SHISA9: variants seen among roughly 807,000 people sequenced by gnomAD.
SHISA9 encodes the protein protein shisa-9.
Under a neutral mutation model 38.0 loss-of-function variants are expected in SHISA9, and 13 were observed. The ratio of observed to expected loss-of-function variants is 0.34; its 90% CI spans 0.22 to 0.54. The LOEUF is 0.54. SHISA9 is among the 20% of genes least tolerant of loss of function. The pLI, the probability that SHISA9 is intolerant of heterozygous loss-of-function variation, is 0.91. For synonymous variants in SHISA9, 275 were observed against 242.0 expected (o/e 1.14, Z -1.27); for missense variants, 538 against 575.8 (o/e 0.93, Z 0.67).
chr16:13,157,471 C>T (rs2050557381), intron 2 of SHISA9, among the ~76,000 whole-genome samples: 1 of 152,128 alleles, frequency 6.6e-6, no homozygotes, highest in Non-Finnish European at 1.5e-5. Context: ...CTTTCTGTCC[C>T]CCAGTTTCTC....
chr16:13,136,976 A>G (rs1473301849), intron 2 of SHISA9, among the ~76,000 whole-genome samples: 1 of 152,202 alleles, frequency 6.6e-6, no homozygotes, highest in Non-Finnish European at 1.5e-5. Context: ...TTCTGCAGGA[A>G]ACAGAACAAG....
the SHISA9 span, among the ~76,000 whole-genome samples, chr16:13,418,550 T>A: frequency 6.6e-6 from 1 of 152,158 alleles, no homozygotes; most frequent in Non-Finnish European, 1.5e-5. Context: ...TATGACCACA[T>A]GGACTTCCCC....
At chr16:13,241,356 A>G (rs967244408), downstream of SHISA9, among the ~76,000 whole-genome samples, 9 of 152,156 alleles carry the variant, frequency 5.9e-5, no homozygotes, top group African/African-American at 2.2e-4. Context: ...AAAATACAAA[A>G]TTAGCTGGGT....
chr16:13,402,851 G>T, the SHISA9 span, among the ~76,000 whole-genome samples: 1 of 152,178 alleles, frequency 6.6e-6, no homozygotes, highest in African/African-American at 2.4e-5. Flanking sequence ...GGGTGCAGTG[G>T]CTCACGCCAG....
the SHISA9 span, among the ~76,000 whole-genome samples, chr16:13,311,817 G>A: frequency 2.0e-5 from 3 of 152,208 alleles, no homozygotes; most frequent in Non-Finnish European, 2.9e-5. Context: ...TACCAGTTAC[G>A]ATTTTGTGCA....
the SHISA9 span, among the ~76,000 whole-genome samples, chr16:13,540,607 A>G: frequency 1.3e-5 from 2 of 152,012 alleles, no homozygotes; most frequent in Non-Finnish European, 1.5e-5. Context: ...TTTTCCTGGG[A>G]TCATCTCTAA....
intron 4 of SHISA9, among the ~76,000 whole-genome samples, chr16:13,220,480 C>T (rs2051212795): frequency 6.6e-6 from 1 of 152,190 alleles, no homozygotes; most frequent in Non-Finnish European, 1.5e-5. Flanking sequence ...ATTAATCTAA[C>T]ATAGGATCCC....
chr16:13,113,935 A>C (rs189369875), intron 2 of SHISA9, among the ~76,000 whole-genome samples: 1 of 152,064 alleles, frequency 6.6e-6, no homozygotes, highest in Non-Finnish European at 1.5e-5. Context: ...TCCATTATTC[A>C]TTTGTTCATT....
the SHISA9 span, among the ~76,000 whole-genome samples, chr16:13,561,870 A>G: frequency 1.3e-5 from 2 of 150,438 alleles, no homozygotes; most frequent in Admixed American, 1.3e-4. Flanking sequence ...TTAGCTTAAG[A>G]AAAAAAAAAG....
At chr16:13,058,857 C>T (rs1048741430) in intron 2 of SHISA9, among the ~76,000 whole-genome samples, 3 of 152,020 alleles carry the variant, frequency 2.0e-5, no homozygotes, top group African/African-American at 7.2e-5. Context: ...AATACCGTTG[C>T]TCACTAACTA....
chr16:12,951,221 C>CA (rs71147772), intron 2 of SHISA9, among the ~76,000 whole-genome samples: 191 of 11,832 alleles, frequency 0.016, 4 homozygotes, highest in South Asian at 0.02. Flanking sequence ...ACTCCTTCTC[C>CA]AAAAAAAAAA....
the SHISA9 span, among the ~76,000 whole-genome samples, chr16:13,371,457 G>A: frequency 3.9e-5 from 6 of 152,114 alleles, no homozygotes; most frequent in African/African-American, 1.4e-4. Flanking sequence ...AGAGTTGCCT[G>A]GGGAGGCTGT....
the SHISA9 span, among the ~76,000 whole-genome samples, chr16:13,509,723 A>G: frequency 6.6e-6 from 1 of 152,210 alleles, no homozygotes; most frequent in Non-Finnish European, 1.5e-5. Flanking sequence ...AATATCACTT[A>G]TTAATGACCC....
At chr16:13,526,943 T>G in the SHISA9 span, among the ~76,000 whole-genome samples, 1 of 151,512 alleles carries the variant, frequency 6.6e-6, no homozygotes, top group Non-Finnish European at 1.5e-5. Flanking sequence ...AATGACTTCT[T>G]TTTTTAGAGA....
intron 3 of SHISA9, among the ~76,000 whole-genome samples, chr16:13,211,896 C>T (rs2051123539): frequency 6.6e-6 from 1 of 152,196 alleles, no homozygotes; most frequent in African/African-American, 2.4e-5. Context: ...GGTCGCACCA[C>T]TATTTCCAGA....
In SHISA9 at chr16:13,027,709, C is replaced by G. The variant is rs559122349; in HGVS notation, c.691+110894C>G. Among the ~76,000 whole-genome samples the G allele has an allele frequency of 1.3e-4, 19 of 151,936 alleles. No individual in the cohort carries two copies. The East Asian group carries it at 3.5e-3, about 28-fold the overall frequency. ...TGGGAGGCTGAGGCAGGCGGATCAC[C>G]TCAGGTCAGGAGTTTGAGACCAGCC... is the stretch of plus-strand genomic sequence containing the variant. On this transcript the variant is annotated intron_variant, in intron 2 of 4. Coordinates refer to ENST00000558583, the MANE Select transcript of SHISA9 (RefSeq NM_001145204.3).
At chr16:13,385,471 AC>A in the SHISA9 span, among the ~76,000 whole-genome samples, 10 of 150,942 alleles carry the variant, frequency 6.6e-5, no homozygotes, top group African/African-American at 2.2e-4. Flanking sequence ...AAGAAAAGGA[AC>A]AAACTGTGGT....
intron 2 of SHISA9, among the ~76,000 whole-genome samples, chr16:13,114,408 G>A (rs1662911381): frequency 6.9e-6 from 1 of 145,852 alleles, no homozygotes; most frequent in African/African-American, 2.6e-5. Flanking sequence ...GGAGCTTGCA[G>A]TGAGACGAGA....
chr16:13,407,619 A>G, the SHISA9 span, among the ~76,000 whole-genome samples: 2 of 152,258 alleles, frequency 1.3e-5, no homozygotes, highest in African/African-American at 2.4e-5. Flanking sequence ...TTTCATTCAG[A>G]TATTCAGGGT....
Sources: gnomAD v4.1 joint callset for allele counts (sites outside exome capture counted in the v4.1 genomes callset) on GRCh38, gnomAD v4.1.1 for gene constraint, MANE v1.5 for transcripts, NCBI Gene and HGNC (gene_info 2026-07-23, HGNC 2026-07-21) for gene names.